Variants in VPS8 observed in about 807,000 individuals in gnomAD.
VPS8 encodes VPS8 subunit of CORVET complex, also known as vacuolar protein sorting-associated protein 8 homolog.
In VPS8, 129 loss-of-function variants were observed where a neutral mutation model predicts 216.4. The observed-to-expected ratio is 0.60, with a 90% CI of 0.52 to 0.69. The LOEUF (loss-of-function observed/expected upper bound fraction) is 0.69. Ranked by LOEUF, VPS8 falls within the 30% of genes least tolerant of loss-of-function variation. VPS8 has a pLI of 0.00. For missense variants in VPS8, 1,531 were observed against 1,683.5 expected (o/e 0.91, Z 1.59); for synonymous variants, 571 against 565.4 (o/e 1.01, Z -0.14).
intron 40 of VPS8, among the ~76,000 whole-genome samples, chr3:184,972,852 TC>T (rs1748647383): frequency 6.6e-6 from 1 of 152,224 alleles, no homozygotes; most frequent in Non-Finnish European, 1.5e-5. Flanking sequence ...CGCCTGCCCT[TC>T]CAGGGCTCAG....
intron 31 of VPS8, among the ~76,000 whole-genome samples, chr3:184,927,479 T>C (rs181198099): frequency 3.2e-4 from 48 of 152,324 alleles, no homozygotes; most frequent in Non-Finnish European, 2.6e-4. Flanking sequence ...TCTTAAATTA[T>C]ATTGAATACA....
At chr3:185,015,822 A>G (rs537395434) in intron 45 of VPS8, among the ~76,000 whole-genome samples, 2 of 152,296 alleles carry the variant, frequency 1.3e-5, no homozygotes, top group African/African-American at 2.4e-5. Context: ...GAGTTCTCCC[A>G]TTTCCTATCA....
chr3:184,961,230 C>T (rs908366858), intron 37 of VPS8, among the ~76,000 whole-genome samples: 6 of 152,150 alleles, frequency 3.9e-5, no homozygotes, highest in African/African-American at 1.2e-4. Flanking sequence ...CAGACACACA[C>T]GTTATTTTCT....
At chr3:184,912,115 C>T (rs1736652629) in intron 25 of VPS8, among the ~76,000 whole-genome samples, 2 of 152,118 alleles carry the variant, frequency 1.3e-5, no homozygotes, top group African/African-American at 2.4e-5. Context: ...GCTCCCCTCC[C>T]CTTTCTAAAC....
chr3:185,005,761 T>G (rs529662809), intron 45 of VPS8, among the ~76,000 whole-genome samples: 1 of 152,294 alleles, frequency 6.6e-6, no homozygotes, highest in East Asian at 1.9e-4. Flanking sequence ...ATCCTAAATC[T>G]TTATTGAATT....
intron 37 of VPS8, among the ~76,000 whole-genome samples, chr3:184,962,701 A>T (rs750470184): frequency 4.9e-5 from 7 of 143,516 alleles, no homozygotes; most frequent in Non-Finnish European, 9.0e-5. Flanking sequence ...CTTCTGTTTT[A>T]GTTTACCATT....
At chr3:184,929,509 C>T in intron 32 of VPS8, 71 bp from the exon 33 acceptor site, 2 of 881,182 alleles carry the variant, frequency 2.3e-6, no homozygotes, top group East Asian at 5.5e-5. Flanking sequence ...TAATACTAAC[C>T]TGTGTGCCAG....
chr3:184,876,914 T>C (rs1477444766), intron 21 of VPS8, among the ~76,000 whole-genome samples: 2 of 152,334 alleles, frequency 1.3e-5, no homozygotes, highest in African/African-American at 2.4e-5. Flanking sequence ...AATCTAGATA[T>C]GATGCTTTCC....
chr3:184,854,651 C>A (rs1162148505), intron 13 of VPS8, among the ~76,000 whole-genome samples: 1 of 152,190 alleles, frequency 6.6e-6, no homozygotes, highest in Non-Finnish European at 1.5e-5. Flanking sequence ...CTTGTTTTTA[C>A]ATGGCTGCTG....
intron 13 of VPS8, among the ~76,000 whole-genome samples, chr3:184,855,353 A>C (rs7642996): frequency 0.36 from 54,837 of 151,946 alleles, 11,191 homozygotes; most frequent in East Asian, 0.67. Context: ...AGAAACCAGT[A>C]TTCTTTCCCC....
chr3:185,047,838 G>T (rs1425195691), intron 46 of VPS8, among the ~76,000 whole-genome samples: 1 of 152,132 alleles, frequency 6.6e-6, no homozygotes, highest in East Asian at 1.9e-4. Context: ...TGACTCCAAA[G>T]CTTATGGCCG....
chr3:184,994,105 GA>G, intron 43 of VPS8, 42 bp downstream of exon 43: 1 of 1,375,618 alleles, frequency 7.3e-7, no homozygotes, highest in Non-Finnish European at 9.6e-7. Context: ...TCCTAAGGTA[GA>G]AAAATGCTAT....
intron 46 of VPS8, among the ~76,000 whole-genome samples, chr3:185,026,534 C>T (rs1757381145): frequency 6.6e-6 from 1 of 150,866 alleles, no homozygotes. Context: ...GCCTCAGCCT[C>T]CTGAGTAGCT....
intron 21 of VPS8, among the ~76,000 whole-genome samples, chr3:184,881,164 A>G (rs531458032): frequency 6.3e-4 from 96 of 152,298 alleles, no homozygotes; most frequent in African/African-American, 2.2e-3. Flanking sequence ...AATCCAATTT[A>G]TCAGCTTTTC....
intron 19 of VPS8, 25 bp downstream of exon 19, chr3:184,869,061 G>A (rs1338264277): frequency 6.3e-7 from 1 of 1,581,926 alleles, no homozygotes; most frequent in Non-Finnish European, 8.6e-7. Flanking sequence ...TTCCAGTGTA[G>A]TAGACGTGGT....
intron 3 of VPS8, among the ~76,000 whole-genome samples, chr3:184,830,341 TTGATATC>T (rs543641096): frequency 3.5e-3 from 534 of 152,326 alleles, no homozygotes; most frequent in Middle Eastern, 0.01. Context: ...ATAATAGGTC[TTGATATC>T]TGGTAGTTTA....
chr3:185,010,652 T>G (rs1321775909), intron 45 of VPS8, among the ~76,000 whole-genome samples: 1 of 149,940 alleles, frequency 6.7e-6, no homozygotes, highest in Admixed American at 6.7e-5. Flanking sequence ...AAATGATTAG[T>G]GAACTTAACA....
intron 22 of VPS8, among the ~76,000 whole-genome samples, chr3:184,893,611 G>A (rs1220391021): frequency 2.0e-5 from 3 of 152,168 alleles, no homozygotes; most frequent in Non-Finnish European, 4.4e-5. Flanking sequence ...TATACATTGT[G>A]GGTGGCAGTG....
chr3:184,912,809 A>G (rs1310605673), intron 25 of VPS8, among the ~76,000 whole-genome samples: 2 of 152,238 alleles, frequency 1.3e-5, no homozygotes, highest in Non-Finnish European at 2.9e-5. Flanking sequence ...TCCAGTATTC[A>G]TATTACCAAA....
Sources: allele counts gnomAD v4.1 joint callset (sites outside exome capture counted in the v4.1 genomes callset), GRCh38; gene constraint gnomAD v4.1.1; transcripts MANE v1.5; gene names NCBI Gene and HGNC (gene_info 2026-07-23, HGNC 2026-07-21).